RIN1: variants seen among roughly 807,000 people sequenced by gnomAD.
RIN1 encodes ras inhibitor 1.
In RIN1, 52 loss-of-function variants were observed where a neutral mutation model predicts 64.9. The ratio of observed to expected loss-of-function variants is 0.80; its 90% CI spans 0.64 to 1.01. The LOEUF is 1.01. Among genes scored for constraint, RIN1 ranks in the 50% least tolerant of loss-of-function variants. The pLI is 0.00. For synonymous variants in RIN1, 486 were observed against 483.6 expected (o/e 1.00, Z -0.06); for missense variants, 1,040 against 1,064.5 (o/e 0.98, Z 0.32).
At position 66,333,407 on chromosome 11, in the gene RIN1, C is replaced by T. The variant is rs1854786919; in HGVS notation, c.1726G>A (p.Gly576Ser). The change falls in exon 9 of 10, where the codon GGC becomes AGC. Residue 576 changes from glycine (G) to serine (S), a missense_variant and splice_region_variant. Coordinates refer to ENST00000311320, the MANE Select transcript of RIN1 (RefSeq NM_004292.3). ...LEPSLLTGEGGYYLTSLSASL... is the reference protein window; with the variant it reads ...LEPSLLTGEGSYYLTSLSASL... ...GCAGAGAGGCTGGTCAGGTAGTAGC[C>T]ACCTGGGACACAGGGTGGAAGAACA... 1 of 1,606,818 alleles carries T rather than the reference C, an allele frequency of 6.2e-7. No homozygotes were observed. Among genetic ancestry groups the T allele is most frequent in the Non-Finnish European group, 8.5e-7 (1 of 1,175,660 alleles).
chr11:66,334,145 C>G lies in RIN1; in HGVS notation c.1365G>C (p.Arg455=). The G allele has an allele frequency of 6.5e-7, 1 of 1,540,450 alleles. No individual in the cohort carries two copies. Among genetic ancestry groups the G allele is most frequent in the Non-Finnish European group, 8.7e-7 (1 of 1,146,460 alleles). Residue 455 remains arginine (R), a synonymous_variant, in exon 7 of 10, where the codon CGG becomes CGC. Transcript: ENST00000311320. ...GGCCCAGGGAGCCGTCTGCGGCAAG[C>G]CGGCGCCGCAGGCGGGCTGCCAGGA... ...RPILAARLRR[R]LAADGSLGRL...
intron 7 of RIN1, 90 bp downstream of exon 7, chr11:66,333,829 G>A (rs1031971904): frequency 6.3e-6 from 9 of 1,424,916 alleles, no homozygotes; most frequent in Non-Finnish European, 8.4e-6. Flanking sequence ...TCTCCTGCAG[G>A]GCTGTTCTAG....
chr11:66,336,347 C>G lies in RIN1; in HGVS notation c.56G>C (p.Ser19Thr). The G allele has an allele frequency of 6.2e-7, 1 of 1,613,766 alleles. No homozygotes were observed. The highest frequency in any genetic ancestry group is 8.5e-7 in the Non-Finnish European group (1 of 1,179,874). Reference protein sequence around the residue: ...AGSPGAPSPSSFTTGHLAREK... With the variant: ...AGSPGAPSPSTFTTGHLAREK... ...TCTCGCCAGGTGCCCAGTAGTGAAGCTGGACGGGCTGGGGGCTCCAGGAGA... is the reference window on the plus strand; with the variant it reads ...TCTCGCCAGGTGCCCAGTAGTGAAGGTGGACGGGCTGGGGGCTCCAGGAGA... Residue 19 changes from serine to threonine, a missense_variant, in exon 1 of 10, where the codon AGC (serine) becomes ACC (threonine). By Grantham distance (58) the Ser-to-Thr change is moderately conservative. Transcript: ENST00000311320.
Position 66,334,803 on chromosome 11 carries a change from C to A in RIN1, c.996G>T (p.Gly332=). Residue 332 remains glycine, a synonymous_variant, in exon 6 of 10, where the codon GGG becomes GGT. Coordinates refer to ENST00000311320, the MANE Select transcript of RIN1 (RefSeq NM_004292.3). ...CCAGGTGGGGTGAGGTCGCTGGGCT[C>A]CCCCGGGACCCTGGCACCCCCTCCT... is the stretch of plus-strand genomic sequence containing the variant. ...SEEEGVPGSR[G]SPATSPHLGR... 1.3e-6 allele frequency: 2 copies of A among 1,545,794 alleles called. No individual in the cohort carries two copies. The highest frequency in any genetic ancestry group is 1.7e-6 in the Non-Finnish European group (2 of 1,144,400).
chr11:66,331,786 C>T lies in RIN1; in HGVS notation c.*490G>A. 1 of 168,522 alleles carries T rather than the reference C, an allele frequency of 5.9e-6. No homozygotes were observed. The highest frequency in any genetic ancestry group is 1.3e-5 in the Non-Finnish European group (1 of 78,944). The allele number at this position is 168,522 out of a possible 1,614,324, so 10.4% of individuals were successfully genotyped here. A position where few individuals can be genotyped will look rare whatever the true frequency, so the allele number is the denominator to read the frequency against. On this transcript the variant is annotated 3_prime_UTR_variant, in exon 10 of 10. Coordinates refer to ENST00000311320, the MANE Select transcript of RIN1 (RefSeq NM_004292.3). The stretch of plus-strand genomic sequence containing the variant: ...TTCTGGTGTCCAGGACAGGGGTGGG[C>T]CCCAAGCCTTTGCTGCTGTTCTGTG...
rs1419471699 is a variant in RIN1 at position 66,334,165 on chromosome 11, C to T, written c.1345G>A (p.Ala449Thr). Residue 449 changes from alanine (A) to threonine (T), a missense_variant, in exon 7 of 10, where the codon GCA (alanine) becomes ACA (threonine). Coordinates refer to ENST00000311320, the MANE Select transcript of RIN1 (RefSeq NM_004292.3). ...SVLKPLRPIL[A>T]ARLRRRLAAD... ...GCAAGCCGGCGCCGCAGGCGGGCTG[C>T]CAGGATGGGCCGGAGAGGCTTGAGC... 1.3e-6 allele frequency: 2 copies of T among 1,536,766 alleles called. No individual in the cohort carries two copies. Among genetic ancestry groups the T allele is most frequent in the Admixed American group, 2.2e-5 (1 of 45,730 alleles).
chr11:66,336,461 C>T (rs1854909368), upstream of RIN1: 2 of 1,449,018 alleles, frequency 1.4e-6, no homozygotes, highest in Non-Finnish European at 1.9e-6. Flanking sequence ...GCACGCACAT[C>T]CCCAGTGAGT....
Position 66,330,391 on chromosome 11 carries a change from G to C in RIN1, c.*1885C>G, listed in dbSNP as rs751263921. 1 of 151,394 alleles carries C rather than the reference G, an allele frequency of 6.6e-6. No homozygotes were observed. Among genetic ancestry groups the C allele is most frequent in the Non-Finnish European group, 1.5e-5 (1 of 67,980 alleles). The allele number at this position is 151,394 out of a possible 1,614,324, so 9.4% of individuals were successfully genotyped here. ...GAGAACCTTGGGAGGGCGTGGAAGTGGGGAGGGAAGAGCTGCTGGTGGCCT... is the reference window on the plus strand; with the variant it reads ...GAGAACCTTGGGAGGGCGTGGAAGTCGGGAGGGAAGAGCTGCTGGTGGCCT... On this transcript the variant is annotated 3_prime_UTR_variant, in exon 10 of 10. Transcript: ENST00000311320.
Position 66,334,570 on chromosome 11 carries a change from C to T in RIN1, c.1229G>A (p.Arg410Gln), listed in dbSNP as rs145725163. 460 of 1,586,728 alleles carry T rather than the reference C, an allele frequency of 2.9e-4. 3 individuals carry two copies. The African/African-American group carries it at 5.5e-3, about 19-fold the overall frequency. ...GCCCAGCTCCGCACTCAGCATGGCCCGGGCCCGGCTCAGCGCCTGACGGAT... is the reference window on the plus strand; with the variant it reads ...GCCCAGCTCCGCACTCAGCATGGCCTGGGCCCGGCTCAGCGCCTGACGGAT... Reference protein sequence around the residue: ...QGIRQALSRARAMLSAELGPE... With the variant: ...QGIRQALSRAQAMLSAELGPE... Residue 410 changes from arginine to glutamine, a missense_variant, in exon 6 of 10, where the codon CGG (arginine) becomes CAG (glutamine). Transcript: ENST00000311320.
In RIN1 at chr11:66,334,653, C is replaced by T. The variant is rs1407854261; in HGVS notation, c.1146G>A (p.Leu382=). Residue 382 remains leucine, a synonymous_variant, in exon 6 of 10, where the codon CTG becomes CTA. Coordinates refer to ENST00000311320, the MANE Select transcript of RIN1 (RefSeq NM_004292.3). ...MQDRHTAAGQ[L]VQDLLTQVRA... is the part of the protein sequence containing the mutation. Reference sequence around the variant, plus strand: ...GCACCTGGGTCAGTAGGTCCTGCACCAGCTGGCCCGCGGCTGTGTGTCGGT... The same window carrying T: ...GCACCTGGGTCAGTAGGTCCTGCACTAGCTGGCCCGCGGCTGTGTGTCGGT... 6.4e-7 allele frequency: 1 copy of T among 1,566,366 alleles called. No individual in the cohort carries two copies.
intron 3 of RIN1, 28 bp downstream of exon 3, chr11:66,335,734 G>T: frequency 6.2e-7 from 1 of 1,611,774 alleles, no homozygotes; most frequent in Non-Finnish European, 8.5e-7. Context: ...CCTGCTTCCA[G>T]CCCCTTCCCG....
At position 66,333,556 on chromosome 11, in the gene RIN1, A is replaced by C; in HGVS notation, c.1694T>G (p.Leu565Arg). The C allele has an allele frequency of 6.2e-7, 1 of 1,613,326 alleles. No homozygotes were observed. Among genetic ancestry groups the C allele is most frequent in the Non-Finnish European group, 8.5e-7 (1 of 1,179,966 alleles). ...LLLEAEYMSE[L>R]LEPSLLTGEG... Reference sequence around the variant, plus strand: ...TCCAGTAAGCAGGCTGGGCTCCAGCAGCTCCGACATGTACTCGGCCTCCAG... The same window carrying C: ...TCCAGTAAGCAGGCTGGGCTCCAGCCGCTCCGACATGTACTCGGCCTCCAG... Residue 565 changes from leucine (L) to arginine (R), a missense_variant, in exon 8 of 10, where the codon CTG becomes CGG. Leu to Arg is a moderately radical substitution (Grantham distance 102). Transcript: ENST00000311320.
intron 4 of RIN1, 37 bp from the exon 5 acceptor site, chr11:66,335,535 C>T (rs769139792): frequency 1.9e-5 from 31 of 1,612,880 alleles, no homozygotes; most frequent in Non-Finnish European, 2.5e-5. Context: ...GAGTGAGGGC[C>T]GAAGAGGGCG....
rs756419642 is a variant in RIN1, at chr11:66,335,963, T to C, written c.267+15A>G. 52 of 1,484,066 alleles carry C rather than the reference T, an allele frequency of 3.5e-5. No individual in the cohort carries two copies. Among genetic ancestry groups the C allele is most frequent in the Middle Eastern group, 3.6e-4 (2 of 5,598 alleles). 91.9% of individuals were successfully genotyped at this position (1,484,066 alleles called of 1,614,324 possible). Reference sequence around the variant, plus strand: ...CCCTGGCTGGCCAGTCCCTGGAGTGTGGGGCAAGACTCACCCCCGGGGGCT... The same window carrying C: ...CCCTGGCTGGCCAGTCCCTGGAGTGCGGGGCAAGACTCACCCCCGGGGGCT... On this transcript the variant is annotated intron_variant, in intron 2 of 9. Transcript: ENST00000311320.
intron 9 of RIN1, chr11:66,332,960 C>T (rs1388525498): frequency 2.6e-5 from 16 of 605,248 alleles, no homozygotes; most frequent in Non-Finnish European, 4.6e-5. Context: ...CAGTGGGGCG[C>T]TCACAAGCCT....
chr11:66,334,354 C>T (rs778128466), intron 6 of RIN1, 130 bp from the exon 7 acceptor site: 52 of 1,229,646 alleles, frequency 4.2e-5, no homozygotes, highest in East Asian at 1.0e-4. Context: ...CTGGGTGAGA[C>T]GGAAGAGTTG....
Position 66,335,159 on chromosome 11 carries a change from G to A in RIN1, c.640C>T (p.Leu214=), listed in dbSNP as rs760216238. The part of the protein sequence containing the change: ...PQLKARSPQE[L]DQGTGAALCF... ...AAGGCGGCTCCGGTGCCCTGGTCCA[G>A]CTCTTGAGGGGACCGGGCCTTCAGC... The change falls in exon 6 of 10, where the codon CTG becomes TTG. Residue 214 remains leucine (L), a synonymous_variant. Transcript: ENST00000311320. 1 of 1,551,560 alleles carries A rather than the reference G, an allele frequency of 6.4e-7. No individual in the cohort carries two copies. Among genetic ancestry groups the A allele is most frequent in the South Asian group, 1.2e-5 (1 of 82,560 alleles).
At chr11:66,336,236 C>A in intron 1 of RIN1, 78 bp from the exon 2 acceptor site, 1 of 1,510,178 alleles carries the variant, frequency 6.6e-7, no homozygotes, top group Non-Finnish European at 8.9e-7. Context: ...TCCCGGGTTT[C>A]CCACTTTCTC....
chr11:66,334,905 T>A lies in RIN1; in HGVS notation c.894A>T (p.Pro298=), dbSNP rs775729244. The part of the protein sequence containing the change: ...RRESSVGYRV[P]AGSGPSLPPM... ...GCGGAAGGCTAGGGCCACTGCCTGC[T>A]GGCACGCGGTACCCCACTGAGCTCT... Residue 298 remains proline, a synonymous_variant, in exon 6 of 10, where the codon CCA becomes CCT. Transcript: ENST00000311320. 5 of 1,579,324 alleles carry A rather than the reference T, an allele frequency of 3.2e-6. No individual in the cohort carries two copies. In the East Asian group the frequency reaches 1.1e-4, roughly 36 times the overall value.
Sources: allele counts gnomAD v4.1 joint callset, GRCh38; gene constraint gnomAD v4.1.1; transcripts MANE v1.5; gene names NCBI Gene and HGNC (gene_info 2026-07-23, HGNC 2026-07-21).